The following BTD variants were observed in gnomAD, a reference collection of about 807,000 sequenced individuals.
The protein encoded by BTD is biotinidase, also known as biocytinase.
Under a neutral mutation model 17.7 loss-of-function variants are expected in BTD, and 13 were observed. The observed-to-expected ratio is 0.74, with a 90% CI of 0.48 to 1.17. The LOEUF is 1.17. BTD is among the 50% of genes most tolerant of loss of function. BTD has a pLI of 0.00. For synonymous variants in BTD, 240 were observed against 245.2 expected, an observed-to-expected ratio of 0.98 and a Z score of 0.20; for missense variants, 674 against 650.4, an observed-to-expected ratio of 1.04 and a Z score of -0.39.
chr3:15,602,053 G>GCGTTTT lies in BTD; in HGVS notation c.-17+160_-17+161insGTTTTC. On this transcript the variant is annotated intron_variant, in intron 1 of 3. Transcript: ENST00000643237. Reference sequence around the variant, plus strand: ...CGTTTGCTGGGGCTGTTTGTGCGTTGCTGCTGTGCTACCGCGTTGCGTTTT... The same window carrying GCGTTTT: ...CGTTTGCTGGGGCTGTTTGTGCGTTGCGTTTTCTGCTGTGCTACCGCGTTGCGTTTT... 5 of 1,464,502 alleles carry GCGTTTT rather than the reference G, an allele frequency of 3.4e-6. No individual in the cohort carries two copies. In the South Asian group the frequency reaches 7.0e-5, roughly 20 times the overall value. The allele number at this position is 1,464,502 out of a possible 1,614,324, so 90.7% of individuals were successfully genotyped here.
intron 3 of BTD, chr3:15,679,415 C>T: frequency 6.2e-7 from 1 of 1,613,098 alleles, no homozygotes; most frequent in Non-Finnish European, 8.5e-7. Flanking sequence ...ATCATTCTCA[C>T]AGCAATGGTG....
In BTD at chr3:15,651,909, G is replaced by C. The variant is rs193252600; in HGVS notation, c.*6421G>C. 2.0e-5 allele frequency among the ~76,000 whole-genome samples: 3 copies of C among 152,300 alleles called. No homozygotes were observed. The East Asian group carries it at 5.8e-4, about 29-fold the overall frequency. On this transcript the variant is annotated 3_prime_UTR_variant, in exon 4 of 4. Transcript: ENST00000643237. ...ACCTTGGTAGCTAGTCTCAAGATTA[G>C]CCCCCAGTGCTCCCCACCTGCTGGT...
chr3:15,657,633 A>G (rs2065883910), downstream of BTD, among the ~76,000 whole-genome samples: 1 of 152,196 alleles, frequency 6.6e-6, no homozygotes, highest in South Asian at 2.1e-4. Context: ...TATGCAAGTA[A>G]GTAGCCTTTC....
Position 15,601,818 on chromosome 3 carries a change from CA to C in BTD, c.-92del. 1 of 1,614,194 alleles carries C rather than the reference CA, an allele frequency of 6.2e-7. No homozygotes were observed. Among genetic ancestry groups the C allele is most frequent in the Admixed American group, 1.7e-5 (1 of 60,018 alleles). On this transcript the variant is annotated 5_prime_UTR_variant, in exon 1 of 4. Transcript: ENST00000643237. ...CTCTCGCCATTGTCTCCGAGTCGGC[CA>C]GCTGGAGCGTTTTCGGGGCTGTAAA...
At chr3:15,627,712 CTTTTGTTTTG>C (rs369839486) in intron 1 of BTD, among the ~76,000 whole-genome samples, 6 of 152,046 alleles carry the variant, frequency 3.9e-5, no homozygotes, top group Non-Finnish European at 1.5e-5. Flanking sequence ...AAGGGTTATT[CTTTTGTTTTG>C]TTTTGTTTTG....
chr3:15,636,442 CT>C (rs777554041), intron 2 of BTD, among the ~76,000 whole-genome samples: 68 of 152,312 alleles, frequency 4.5e-4, no homozygotes, highest in Non-Finnish European at 9.3e-4. Context: ...AGAGGCCCCC[CT>C]GGGGGCAAAG....
chr3:15,692,784 T>G (rs1428663197), intron 3 of BTD, among the ~76,000 whole-genome samples: 1 of 152,256 alleles, frequency 6.6e-6, no homozygotes, highest in Non-Finnish European at 1.5e-5. Flanking sequence ...TATTTCAATT[T>G]TTAGTTTAAA....
chr3:15,707,865 A>G, intron 3 of BTD: 1 of 1,564,884 alleles, frequency 6.4e-7, no homozygotes. Context: ...AAACATCCAT[A>G]TGGAAGATGC....
At chr3:15,613,531 C>T (rs1436655160) in intron 1 of BTD, among the ~76,000 whole-genome samples, 2 of 152,000 alleles carry the variant, frequency 1.3e-5, no homozygotes, top group East Asian at 3.9e-4. Context: ...CCCCTCCTTA[C>T]CTTCTCCTCT....
At position 15,645,797 on chromosome 3, in the gene BTD, C is replaced by A; in HGVS notation, c.*309C>A. 3.5e-6 allele frequency: 1 copy of A among 284,444 alleles called. No individual in the cohort carries two copies. The highest frequency in any genetic ancestry group is 6.6e-6 in the Non-Finnish European group (1 of 151,898). 17.6% of individuals were successfully genotyped at this position (284,444 alleles called of 1,614,324 possible). A position where few individuals can be genotyped will look rare whatever the true frequency, so the allele number is the denominator to read the frequency against. ...CTCAAGCTAAAACAAAAATAAATGTCAGTTTATATTTTACACATCCACAAA... is the reference window on the plus strand; with the variant it reads ...CTCAAGCTAAAACAAAAATAAATGTAAGTTTATATTTTACACATCCACAAA... On this transcript the variant is annotated 3_prime_UTR_variant, in exon 4 of 4. Transcript: ENST00000643237.
downstream of BTD, among the ~76,000 whole-genome samples, chr3:15,653,964 T>C (rs115856249): frequency 8.7e-3 from 1,324 of 152,328 alleles, 23 homozygotes; most frequent in African/African-American, 0.03. Context: ...TCAAGTGATC[T>C]GCCTGCTTTG....
chr3:15,679,809 C>A (rs1004156450), intron 3 of BTD, among the ~76,000 whole-genome samples: 1 of 151,944 alleles, frequency 6.6e-6, no homozygotes, highest in Non-Finnish European at 1.5e-5. Context: ...GGTTCTGCAT[C>A]CATCAATTCA....
At chr3:15,680,188 A>G (rs530647992) in intron 3 of BTD, among the ~76,000 whole-genome samples, 33 of 152,204 alleles carry the variant, frequency 2.2e-4, no homozygotes, top group Non-Finnish European at 3.4e-4. Context: ...ATATCCTTCC[A>G]TAATAGCATA....
chr3:15,601,478 C>A, upstream of BTD: 1 of 1,612,060 alleles, frequency 6.2e-7, no homozygotes, highest in Non-Finnish European at 8.5e-7. Flanking sequence ...CACCGAAAAG[C>A]TCTAAGCACT....
intron 3 of BTD, among the ~76,000 whole-genome samples, chr3:15,704,519 A>G (rs1375780095): frequency 1.3e-5 from 2 of 152,168 alleles, no homozygotes; most frequent in Non-Finnish European, 2.9e-5. Flanking sequence ...CCATTTAAAA[A>G]ACAAATAAGC....
Position 15,652,379 on chromosome 3 carries a change from GT to G in BTD, c.*6892del, listed in dbSNP as rs2065818855. 6.6e-6 allele frequency among the ~76,000 whole-genome samples: 1 copy of G among 152,062 alleles called. No individual in the cohort carries two copies. Among genetic ancestry groups the G allele is most frequent in the Non-Finnish European group, 1.5e-5 (1 of 68,004 alleles). Reference sequence around the variant, plus strand: ...CTTGGTTGCTCACTTGCTATCTTGGGTCCCTCCCTCTGGGGAAAGCCAGTTG... The same window carrying G: ...CTTGGTTGCTCACTTGCTATCTTGGGCCCTCCCTCTGGGGAAAGCCAGTTG... On this transcript the variant is annotated 3_prime_UTR_variant, in exon 4 of 4. Coordinates refer to ENST00000643237, the MANE Select transcript of BTD (RefSeq NM_001370658.1).
intron 3 of BTD, among the ~76,000 whole-genome samples, chr3:15,682,970 AT>A (rs1398239436): frequency 2.0e-5 from 3 of 152,216 alleles, no homozygotes; most frequent in Non-Finnish European, 4.4e-5. Flanking sequence ...TTCTTGCAAA[AT>A]TCTGTCTCTT....
downstream of BTD, chr3:15,714,476 A>G (rs543270650): frequency 5.8e-5 from 48 of 829,152 alleles, no homozygotes; most frequent in South Asian, 8.9e-4. Context: ...AATACACAAA[A>G]TGCGATGACA....
intron 3 of BTD, among the ~76,000 whole-genome samples, chr3:15,682,980 T>C (rs1302397593): frequency 1.3e-5 from 2 of 152,232 alleles, no homozygotes; most frequent in Non-Finnish European, 2.9e-5. Flanking sequence ...ATTCTGTCTC[T>C]TGCACAAAAC....
Sources: gnomAD v4.1 joint callset for allele counts (sites outside exome capture counted in the v4.1 genomes callset) on GRCh38, gnomAD v4.1.1 for gene constraint, MANE v1.5 for transcripts, NCBI Gene and HGNC (gene_info 2026-07-23, HGNC 2026-07-21) for gene names.